Variants in NSUN2 observed in about 807,000 individuals in gnomAD.
The protein encoded by NSUN2 is RNA cytosine C(5)-methyltransferase NSUN2.
In NSUN2, 63 loss-of-function variants were observed where a neutral mutation model predicts 92.7. The ratio of observed to expected loss-of-function variants is 0.68; its 90% CI spans 0.56 to 0.84. The LOEUF (loss-of-function observed/expected upper bound fraction) is 0.84, where lower values mean the gene tolerates loss of function less well. NSUN2 is among the 40% of genes least tolerant of loss of function. The pLI is 0.00. For missense variants in NSUN2, 989 were observed against 964.9 expected, an observed-to-expected ratio of 1.02 and a Z score of -0.33; for synonymous variants, 356 against 348.3, an observed-to-expected ratio of 1.02 and a Z score of -0.25.
intron 18 of NSUN2, 69 bp from the exon 19 acceptor site, chr5:6,600,301 T>C: frequency 7.2e-7 from 1 of 1,397,846 alleles, no homozygotes; most frequent in East Asian, 2.3e-5. Context: ...AGATGTAATA[T>C]GCAACTGCTT....
At chr5:6,612,104 G>A (rs2126484045) in intron 9 of NSUN2, among the ~76,000 whole-genome samples, 1 of 152,294 alleles carries the variant, frequency 6.6e-6, no homozygotes, top group East Asian at 1.9e-4. Context: ...AAAAATCACT[G>A]AACCGTACAC....
chr5:6,631,832 A>G (rs199831472), intron 3 of NSUN2, 41 bp downstream of exon 3: 1 of 1,355,338 alleles, frequency 7.4e-7, no homozygotes, highest in East Asian at 2.3e-5. Flanking sequence ...AGAGATTAAT[A>G]TCCCAAATAA....
At chr5:6,629,666 TG>T (rs1737793498) in intron 3 of NSUN2, among the ~76,000 whole-genome samples, 2 of 152,198 alleles carry the variant, frequency 1.3e-5, no homozygotes, top group South Asian at 4.1e-4. Flanking sequence ...ATATTTTAGA[TG>T]GTTTGGCTCT....
intron 11 of NSUN2, among the ~76,000 whole-genome samples, chr5:6,610,407 G>A (rs902056301): frequency 1.9e-4 from 29 of 151,966 alleles, no homozygotes; most frequent in African/African-American, 5.8e-4. Context: ...AGTTCATGAC[G>A]GCTGGGCACA....
Position 6,631,983 on chromosome 5 carries a change from G to GA in NSUN2, c.255-7dup. The GA allele has an allele frequency of 6.3e-7, 1 of 1,596,034 alleles. No individual in the cohort carries two copies. Among genetic ancestry groups the GA allele is most frequent in the Non-Finnish European group, 8.6e-7 (1 of 1,166,316 alleles). The stretch of plus-strand genomic sequence containing the variant: ...GGAGAATCTCTTTTGCGTGGCTATT[G>GA]AAAAATAAGGAAGTTTCAAACTGAT... On this transcript the variant is annotated splice_polypyrimidine_tract_variant and splice_region_variant and intron_variant, in intron 2 of 18. Transcript: ENST00000264670.
chr5:6,632,282 C>T (rs1183122800), intron 2 of NSUN2, among the ~76,000 whole-genome samples: 2 of 152,064 alleles, frequency 1.3e-5, no homozygotes, highest in Non-Finnish European at 2.9e-5. Context: ...GAGGGGAGAA[C>T]CAAGGGGTTT....
At chr5:6,611,438 C>T (rs530172934) in intron 10 of NSUN2, among the ~76,000 whole-genome samples, 5 of 46,210 alleles carry the variant, frequency 1.1e-4, no homozygotes, top group South Asian at 6.2e-4. Flanking sequence ...GCTTGAATCC[C>T]GGCCCAATTT....
rs746142475 is a variant in NSUN2, at chr5:6,600,063, C to G, written c.2167G>C (p.Ala723Pro). ...TCATTGTCTGGCTGTCCGGTGCTGG[C>G]TGCACTCTCATTTGTGAGGATAACC... ...EGVILTNESA[A>P]STGQPDNDVT... Residue 723 changes from alanine (A) to proline (P), a missense_variant, in exon 19 of 19, where the codon GCC (alanine) becomes CCC (proline). By Grantham distance (27) the Ala-to-Pro change is conservative. Transcript: ENST00000264670. 6.2e-7 allele frequency: 1 copy of G among 1,614,254 alleles called. No homozygotes were observed. Among genetic ancestry groups the G allele is most frequent in the Non-Finnish European group, 8.5e-7 (1 of 1,180,050 alleles).
chr5:6,619,086 AG>A (rs1216266324), intron 7 of NSUN2, among the ~76,000 whole-genome samples: 1 of 152,242 alleles, frequency 6.6e-6, no homozygotes. Context: ...ATATGATACA[AG>A]GAACGAGTTA....
Position 6,620,258 on chromosome 5 carries a change from G to A in NSUN2, c.663C>T (p.Cys221=). 1 of 1,607,486 alleles carries A rather than the reference G, an allele frequency of 6.2e-7. No individual in the cohort carries two copies. The highest frequency in any genetic ancestry group is 1.7e-5 in the Admixed American group (1 of 58,432). ...VIANDVDNKR[C]YLLVHQAKRL... is the part of the protein sequence containing the mutation. The stretch of plus-strand genomic sequence containing the variant: ...TCTTGGCTTGATGGACGAGCAGGTA[G>A]CAGCGCTTGTTGTCCACATCATTCG... The change falls in exon 7 of 19, where the codon TGC becomes TGT. Residue 221 remains cysteine (C), a synonymous_variant. Coordinates refer to ENST00000264670, the MANE Select transcript of NSUN2 (RefSeq NM_017755.6).
At chr5:6,618,220 A>G (rs973421265) in intron 7 of NSUN2, among the ~76,000 whole-genome samples, 196 bp from the exon 8 acceptor site, 2 of 152,220 alleles carry the variant, frequency 1.3e-5, no homozygotes, top group African/African-American at 4.8e-5. Context: ...GTTTTAAATT[A>G]TACTTCAATT....
chr5:6,626,596 G>A (rs1020588903), intron 3 of NSUN2, among the ~76,000 whole-genome samples: 4 of 152,106 alleles, frequency 2.6e-5, no homozygotes, highest in East Asian at 1.9e-4. Flanking sequence ...TGATCCGGCC[G>A]CATCAGTCTC....
At chr5:6,604,329 GACA>G in intron 16 of NSUN2, 53 bp from the exon 17 acceptor site, 1 of 1,472,288 alleles carries the variant, frequency 6.8e-7, no homozygotes, top group Non-Finnish European at 9.3e-7. Flanking sequence ...ATTCATGAAC[GACA>G]ACAGCCTGCT....
chr5:6,607,560 A>T (rs567476241), intron 12 of NSUN2, among the ~76,000 whole-genome samples, 176 bp from the exon 13 acceptor site: 1 of 152,232 alleles, frequency 6.6e-6, no homozygotes, highest in African/African-American at 2.4e-5. Context: ...TTGCTATTAT[A>T]AACAAAATTC....
intron 9 of NSUN2, 79 bp from the exon 10 acceptor site, chr5:6,611,877 C>G (rs541314856): frequency 3.2e-5 from 38 of 1,170,028 alleles, no homozygotes; most frequent in Middle Eastern, 3.8e-4. Flanking sequence ...AAACCAGACA[C>G]AGATCACATA....
chr5:6,601,924 G>C (rs1736571703), intron 18 of NSUN2, among the ~76,000 whole-genome samples: 1 of 152,118 alleles, frequency 6.6e-6, no homozygotes, highest in Admixed American at 6.5e-5. Context: ...TCCTCCTCTG[G>C]CAAGTGCTGC....
At chr5:6,624,564 C>CTT (rs1244901374) in intron 4 of NSUN2, among the ~76,000 whole-genome samples, 1 of 152,246 alleles carries the variant, frequency 6.6e-6, no homozygotes, top group African/African-American at 2.4e-5. Context: ...TCTCTAGCAG[C>CTT]TTACTGATCT....
intron 18 of NSUN2, among the ~76,000 whole-genome samples, chr5:6,600,868 A>G (rs1560969281): frequency 6.6e-6 from 1 of 152,200 alleles, no homozygotes; most frequent in Non-Finnish European, 1.5e-5. Flanking sequence ...TGTTACCCAC[A>G]GTCAAAAACA....
At chr5:6,605,001 G>C (rs1039121248) in intron 15 of NSUN2, 5 of 587,878 alleles carry the variant, frequency 8.5e-6, no homozygotes, top group Non-Finnish European at 1.5e-5. Flanking sequence ...TGCCCAGGAG[G>C]GCGAGCTGTG....
Sources: allele counts gnomAD v4.1 joint callset (sites outside exome capture counted in the v4.1 genomes callset), GRCh38; gene constraint gnomAD v4.1.1; transcripts MANE v1.5; gene names NCBI Gene and HGNC (gene_info 2026-07-23, HGNC 2026-07-21).